Variants in NRG3 observed in about 807,000 individuals in gnomAD.
The protein encoded by NRG3 is pro-neuregulin-3, membrane-bound isoform.
A neutral mutation model predicts 66.9 loss-of-function variants in NRG3; 31 were observed. The ratio of observed to expected loss-of-function variants is 0.46; its 90% CI spans 0.35 to 0.63. The LOEUF (loss-of-function observed/expected upper bound fraction) is 0.63, where lower values mean the gene tolerates loss of function less well. Among genes scored for constraint, NRG3 ranks in the 20% least tolerant of loss-of-function variants. The pLI is 0.00. For synonymous variants in NRG3, 393 were observed against 359.4 expected (o/e 1.09, Z -1.06); for missense variants, 910 against 878.9 (o/e 1.04, Z -0.45).
chr10:82,314,805 G>A (rs769558880), intron 1 of NRG3, among the ~76,000 whole-genome samples: 18 of 152,210 alleles, frequency 1.2e-4, no homozygotes, highest in Non-Finnish European at 1.9e-4. Context: ...GCGAGAGTCC[G>A]TCTCAAAACA....
chr10:82,565,888 G>C (rs536953376), intron 2 of NRG3, among the ~76,000 whole-genome samples: 3 of 152,052 alleles, frequency 2.0e-5, no homozygotes, highest in Non-Finnish European at 2.9e-5. Context: ...AAACACGCAG[G>C]CTTCTAATGA....
intron 4 of NRG3, among the ~76,000 whole-genome samples, chr10:82,931,042 G>A (rs1192901240): frequency 6.6e-6 from 1 of 152,128 alleles, no homozygotes; most frequent in East Asian, 1.9e-4. Flanking sequence ...CAAAAAGAAA[G>A]ACTCACAGGT....
chr10:82,985,775 A>G lies in NRG3; in HGVS notation c.*170A>G, dbSNP rs1853391111. On this transcript the variant is annotated 3_prime_UTR_variant, in exon 9 of 9. Transcript: ENST00000372141. ...TTAACAAAATATTTTTTTAAGGGAAAGAAATGTTTCAGGAGGGATAAAGCT... is the reference window on the plus strand; with the variant it reads ...TTAACAAAATATTTTTTTAAGGGAAGGAAATGTTTCAGGAGGGATAAAGCT... The G allele has an allele frequency of 2.7e-6, 2 of 733,590 alleles. No homozygotes were observed. Among genetic ancestry groups the G allele is most frequent in the Non-Finnish European group, 4.3e-6 (2 of 463,934 alleles). The allele number at this position is 733,590 out of a possible 1,614,324, so 45.4% of individuals were successfully genotyped here.
At chr10:82,357,169 T>G (rs1191918724) in intron 1 of NRG3, among the ~76,000 whole-genome samples, 3 of 152,118 alleles carry the variant, frequency 2.0e-5, no homozygotes, top group Non-Finnish European at 2.9e-5. Flanking sequence ...TTTGGGGAAA[T>G]AGAATGATAG....
At chr10:81,923,261 G>A (rs1030094814) in intron 1 of NRG3, among the ~76,000 whole-genome samples, 3 of 150,046 alleles carry the variant, frequency 2.0e-5, no homozygotes, top group East Asian at 1.9e-4. Flanking sequence ...TTTGGAATGC[G>A]GTGGCGCGAT....
intron 1 of NRG3, among the ~76,000 whole-genome samples, chr10:82,221,192 G>A (rs1333702278): frequency 6.7e-6 from 1 of 149,444 alleles, no homozygotes; most frequent in African/African-American, 2.5e-5. Context: ...TGGAACTGAG[G>A]ATTTTTTTCT....
intron 1 of NRG3, among the ~76,000 whole-genome samples, chr10:82,058,462 C>T (rs1005411695): frequency 2.6e-5 from 4 of 151,440 alleles, no homozygotes; most frequent in East Asian, 1.9e-4. Flanking sequence ...TTCAACGACC[C>T]GTTTCATCTG....
intron 1 of NRG3, among the ~76,000 whole-genome samples, chr10:81,930,648 C>T (rs987402834): frequency 5.3e-5 from 8 of 152,062 alleles, no homozygotes; most frequent in South Asian, 2.1e-4. Context: ...AGGAGAACAC[C>T]GGGAATATTC....
At chr10:81,950,179 C>G (rs531400079) in intron 1 of NRG3, among the ~76,000 whole-genome samples, 1 of 152,158 alleles carries the variant, frequency 6.6e-6, no homozygotes, top group African/African-American at 2.4e-5. Flanking sequence ...TGAGATTTGA[C>G]TTTTCTACTT....
At chr10:81,998,331 C>G (rs913646633) in intron 1 of NRG3, among the ~76,000 whole-genome samples, 3 of 152,164 alleles carry the variant, frequency 2.0e-5, no homozygotes, top group Non-Finnish European at 2.9e-5. Flanking sequence ...ACATGTTTCT[C>G]TATATGACTC....
chr10:82,171,747 T>C (rs1331691033), intron 1 of NRG3, among the ~76,000 whole-genome samples: 1 of 152,104 alleles, frequency 6.6e-6, no homozygotes, highest in Non-Finnish European at 1.5e-5. Flanking sequence ...TGATTCAAAA[T>C]AACTGTTGAT....
At chr10:82,837,839 G>C (rs964531178) in intron 3 of NRG3, among the ~76,000 whole-genome samples, 4 of 152,116 alleles carry the variant, frequency 2.6e-5, no homozygotes, top group Non-Finnish European at 5.9e-5. Flanking sequence ...AAAGGAAAAG[G>C]GTCACTATTG....
chr10:82,443,751 G>A (rs1030735283), intron 2 of NRG3, among the ~76,000 whole-genome samples: 2 of 152,186 alleles, frequency 1.3e-5, no homozygotes, highest in Non-Finnish European at 2.9e-5. Flanking sequence ...TGAAATAACT[G>A]AGGAAAGTTT....
chr10:82,796,232 A>G (rs1268183790), intron 3 of NRG3, among the ~76,000 whole-genome samples: 1 of 152,288 alleles, frequency 6.6e-6, no homozygotes, highest in South Asian at 2.1e-4. Flanking sequence ...TTATTCTATC[A>G]TTAAAACAAA....
chr10:82,172,066 A>G (rs2072663180), intron 1 of NRG3, among the ~76,000 whole-genome samples: 1 of 152,094 alleles, frequency 6.6e-6, no homozygotes, highest in Non-Finnish European at 1.5e-5. Context: ...GCCCCGTATC[A>G]CATCAGTAGC....
At chr10:82,925,755 G>C (rs1399212188) in intron 4 of NRG3, among the ~76,000 whole-genome samples, 1 of 152,172 alleles carries the variant, frequency 6.6e-6, no homozygotes, top group African/African-American at 2.4e-5. Context: ...TTCTTTGCTT[G>C]GTCAGAGCAG....
chr10:82,441,167 G>T lies in NRG3; in HGVS notation c.953+82299G>T, dbSNP rs184498975. Among the ~76,000 whole-genome samples, 75 of 152,322 alleles carry T rather than the reference G, an allele frequency of 4.9e-4. 1 individual carries two copies. The East Asian group carries it at 0.012, about 25-fold the overall frequency. ...GTTTTATCTGGACACTGATTATTTT[G>T]CTGGAAAGCAAGAAATCAGGTCCAC... On this transcript the variant is annotated intron_variant, in intron 2 of 8. Transcript: ENST00000372141.
chr10:82,189,309 A>T lies in NRG3; in HGVS notation c.824-169430A>T, dbSNP rs1423707158. Among the ~76,000 whole-genome samples, 24 of 152,150 alleles carry T rather than the reference A, an allele frequency of 1.6e-4. 1 individual carries two copies. Among genetic ancestry groups the T allele is most frequent in the Admixed American group, 1.5e-3 (23 of 15,264 alleles). On this transcript the variant is annotated intron_variant, in intron 1 of 8. Coordinates refer to ENST00000372141, the MANE Select transcript of NRG3 (RefSeq NM_001010848.4). ...ATAGAGTTAAACATAAGATTTTTCA[A>T]AATTTTGTCTCTTTTCTAGTTTCCT...
At chr10:82,108,872 A>G (rs2132214592) in intron 1 of NRG3, among the ~76,000 whole-genome samples, 1 of 152,332 alleles carries the variant, frequency 6.6e-6, no homozygotes, top group African/African-American at 2.4e-5. Flanking sequence ...ATATTTACCC[A>G]GAGTGGCCTC....
Sources: gnomAD v4.1 joint callset for allele counts (sites outside exome capture counted in the v4.1 genomes callset) on GRCh38, gnomAD v4.1.1 for gene constraint, MANE v1.5 for transcripts, NCBI Gene and HGNC (gene_info 2026-07-23, HGNC 2026-07-21) for gene names.